Variants in UBQLN1 observed in about 807,000 individuals in gnomAD.
The protein encoded by UBQLN1 is ubiquilin 1.
Under a neutral mutation model 65.4 loss-of-function variants are expected in UBQLN1, and 13 were observed. That is an observed-to-expected ratio of 0.20 (90% CI 0.13 to 0.32). UBQLN1 has a LOEUF of 0.32. Among genes scored for constraint, UBQLN1 ranks in the 10% least tolerant of loss-of-function variants. UBQLN1 has a pLI of 1.00. For synonymous variants in UBQLN1, 267 were observed against 247.8 expected (o/e 1.08, Z -0.73); for missense variants, 561 against 724.0 (o/e 0.77, Z 2.58).
chr9:83,705,221 A>G (rs1403686969), intron 1 of UBQLN1, among the ~76,000 whole-genome samples: 2 of 149,216 alleles, frequency 1.3e-5, no homozygotes, highest in Admixed American at 6.6e-5. Flanking sequence ...ATTTTTCAGT[A>G]TATGTGCTGC....
intron 1 of UBQLN1, among the ~76,000 whole-genome samples, chr9:83,702,363 G>A (rs190448578): frequency 6.6e-6 from 1 of 152,126 alleles, no homozygotes; most frequent in East Asian, 1.9e-4. Flanking sequence ...ATTAAATAAC[G>A]AGTTTTTCAG....
At chr9:83,682,475 C>T (rs1385220010) in intron 3 of UBQLN1, among the ~76,000 whole-genome samples, 3 of 142,874 alleles carry the variant, frequency 2.1e-5, no homozygotes, top group Admixed American at 6.9e-5. Flanking sequence ...CAAGATCCTG[C>T]CTCTCTTAAA....
chr9:83,681,012 C>T (rs1413748132), intron 3 of UBQLN1, among the ~76,000 whole-genome samples: 1 of 152,140 alleles, frequency 6.6e-6, no homozygotes, highest in Non-Finnish European at 1.5e-5. Flanking sequence ...CCAGATTATG[C>T]CAGCTAAAGG....
At chr9:83,678,410 C>T (rs749021335) in intron 5 of UBQLN1, 31 bp downstream of exon 5, 1 of 1,589,702 alleles carries the variant, frequency 6.3e-7, no homozygotes. Flanking sequence ...GAAGCTACTC[C>T]TTGGCCTGAA....
At chr9:83,684,484 C>G (rs530681155) in intron 2 of UBQLN1, among the ~76,000 whole-genome samples, 1 of 151,966 alleles carries the variant, frequency 6.6e-6, no homozygotes, top group East Asian at 2.0e-4. Context: ...TGTGAGCCAC[C>G]GCGCCTGGCC....
At chr9:83,662,659 C>T (rs948289868) in intron 10 of UBQLN1, among the ~76,000 whole-genome samples, 1 of 152,180 alleles carries the variant, frequency 6.6e-6, no homozygotes, top group Non-Finnish European at 1.5e-5. Context: ...ATCCTTCTTT[C>T]TTATTTATTC....
At chr9:83,686,942 A>C (rs149741121) in intron 1 of UBQLN1, among the ~76,000 whole-genome samples, 2 of 152,214 alleles carry the variant, frequency 1.3e-5, no homozygotes, top group African/African-American at 4.8e-5. Flanking sequence ...AAAATCTGAA[A>C]TCTGAGACAC....
chr9:83,662,273 T>C (rs12238850), intron 10 of UBQLN1, among the ~76,000 whole-genome samples: 20,521 of 142,962 alleles, frequency 0.14, 1,581 homozygotes, highest in East Asian at 0.24. Flanking sequence ...CATATACATA[T>C]ACACACACAC....
At chr9:83,682,876 A>G (rs1831968032) in intron 3 of UBQLN1, 75 bp downstream of exon 3, 2 of 687,012 alleles carry the variant, frequency 2.9e-6, no homozygotes, top group African/African-American at 1.9e-5. Context: ...TTATTTTCTC[A>G]TTTTATCTGA....
At chr9:83,681,650 T>G (rs918704143) in intron 3 of UBQLN1, among the ~76,000 whole-genome samples, 1 of 152,224 alleles carries the variant, frequency 6.6e-6, no homozygotes, top group Non-Finnish European at 1.5e-5. Context: ...AATGCATTCT[T>G]GAAACCACAA....
At chr9:83,690,826 C>T (rs1296522888) in intron 1 of UBQLN1, among the ~76,000 whole-genome samples, 4 of 152,076 alleles carry the variant, frequency 2.6e-5, no homozygotes, top group African/African-American at 9.7e-5. Flanking sequence ...AAATTATTCC[C>T]TTCCCCAAAG....
At chr9:83,693,152 A>G (rs1483894558) in intron 1 of UBQLN1, among the ~76,000 whole-genome samples, 1 of 152,224 alleles carries the variant, frequency 6.6e-6, no homozygotes, top group Non-Finnish European at 1.5e-5. Flanking sequence ...AACAACCATA[A>G]GAATCAAAAT....
In UBQLN1 at chr9:83,669,265, G is replaced by A. The variant is rs775206388; in HGVS notation, c.1168C>T (p.Leu390=). 1.2e-6 allele frequency: 2 copies of A among 1,612,502 alleles called. No homozygotes were observed. Among genetic ancestry groups the A allele is most frequent in the Non-Finnish European group, 1.7e-6 (2 of 1,179,758 alleles). ...LLQQITENPQ[L]MQNMLSAPYM... ...GGGGCAGACAACATGTTTTGCATCA[G>A]TTGTGGGTTTTCAGTTATTTGTTGC... is the stretch of plus-strand genomic sequence containing the variant. The change falls in exon 7 of 11, where the codon CTG becomes TTG. Residue 390 remains leucine (L), a synonymous_variant. Coordinates refer to ENST00000376395, the MANE Select transcript of UBQLN1 (RefSeq NM_013438.5).
chr9:83,674,312 T>C (rs969279592), intron 6 of UBQLN1, among the ~76,000 whole-genome samples: 2 of 152,256 alleles, frequency 1.3e-5, no homozygotes, highest in Admixed American at 1.3e-4. Flanking sequence ...TGGCAAAACT[T>C]GTGTTTCTTA....
intron 1 of UBQLN1, among the ~76,000 whole-genome samples, chr9:83,693,090 C>A (rs546593112): frequency 8.7e-4 from 133 of 152,332 alleles, no homozygotes; most frequent in African/African-American, 3.2e-3. Flanking sequence ...TGATAACCTA[C>A]AATAACTACA....
chr9:83,673,546 T>TAAAA lies in UBQLN1; in HGVS notation c.1105+4177_1105+4180dup, dbSNP rs762494390. On this transcript the variant is annotated intron_variant, in intron 6 of 10. Coordinates refer to ENST00000376395, the MANE Select transcript of UBQLN1 (RefSeq NM_013438.5). ...GGTGACAGGTCGAGACTCGGTCTTT[T>TAAAA]AAAAAAAAAAAAAAAAAAAAACAAA... Among the ~76,000 whole-genome samples the TAAAA allele has an allele frequency of 3.3e-4, 25 of 75,540 alleles. 1 individual carries two copies. The highest frequency in any genetic ancestry group is 2.9e-3 in the South Asian group (6 of 2,096). The allele number at this position is 75,540 out of a possible 152,430, so 49.6% of individuals were successfully genotyped here.
At chr9:83,668,585 G>A (rs1831680387) in intron 7 of UBQLN1, 4 of 985,472 alleles carry the variant, frequency 4.1e-6, no homozygotes, top group Non-Finnish European at 4.8e-6. Context: ...AAGTGATCCT[G>A]AGTGTTCAGC....
intron 9 of UBQLN1, among the ~76,000 whole-genome samples, chr9:83,664,745 A>G (rs781460635): frequency 1.3e-5 from 2 of 151,660 alleles, no homozygotes; most frequent in Non-Finnish European, 2.9e-5. Flanking sequence ...TAAAAACAGT[A>G]ACAACAACAA....
chr9:83,707,059 C>T (rs1587668967), intron 1 of UBQLN1, among the ~76,000 whole-genome samples: 1 of 152,140 alleles, frequency 6.6e-6, no homozygotes, highest in Non-Finnish European at 1.5e-5. Context: ...GCACGTAAAA[C>T]AACGAGGATC....
Sources: gnomAD v4.1 joint callset for allele counts (sites outside exome capture counted in the v4.1 genomes callset) on GRCh38, gnomAD v4.1.1 for gene constraint, MANE v1.5 for transcripts, NCBI Gene and HGNC (gene_info 2026-07-23, HGNC 2026-07-21) for gene names.